The following UGT1A10 variants were observed in gnomAD, a reference collection of about 807,000 sequenced individuals.
UGT1A10 encodes the protein UDP-glucuronosyltransferase 1A10.
A neutral mutation model predicts 45.8 loss-of-function variants in UGT1A10; 49 were observed. The ratio of observed to expected loss-of-function variants is 1.07; its 90% confidence interval spans 0.85 to 1.36. The LOEUF (loss-of-function observed/expected upper bound fraction) is 1.36. Among genes scored for constraint, UGT1A10 ranks in the 40% most tolerant of loss-of-function variants. UGT1A10 has a pLI of 0.00. For synonymous variants in UGT1A10, 284 were observed against 249.7 expected (o/e 1.14, Z -1.29); for missense variants, 745 against 668.6 (o/e 1.11, Z -1.26).
chr2:233,684,813 AG>A (rs2074702770), intron 1 of UGT1A10, among the ~76,000 whole-genome samples: 1 of 152,236 alleles, frequency 6.6e-6, no homozygotes, highest in South Asian at 2.1e-4. Context: ...CAACCACAAA[AG>A]TAAATTGTCA....
intron 1 of UGT1A10, chr2:233,756,022 T>C (rs1696092015): frequency 6.6e-6 from 1 of 152,142 alleles, no homozygotes; most frequent in Non-Finnish European, 1.5e-5. Context: ...ATATTACACA[T>C]CCCCCATGTA....
At chr2:233,652,764 C>T (rs1045718646) in intron 1 of UGT1A10, among the ~76,000 whole-genome samples, 10 of 152,176 alleles carry the variant, frequency 6.6e-5, no homozygotes, top group Admixed American at 5.2e-4. Flanking sequence ...AGCTGCATAT[C>T]CACATGCAAA....
At chr2:233,642,653 G>A (rs371003248) in intron 1 of UGT1A10, among the ~76,000 whole-genome samples, 8 of 152,292 alleles carry the variant, frequency 5.3e-5, no homozygotes, top group Admixed American at 1.3e-4. Context: ...ATTTGTAGCC[G>A]TCCTTCTTGG....
At chr2:233,680,480 TGGAA>T (rs977170020) in intron 1 of UGT1A10, among the ~76,000 whole-genome samples, 4 of 152,182 alleles carry the variant, frequency 2.6e-5, no homozygotes, top group Non-Finnish European at 4.4e-5. Context: ...TAGGGTGTCC[TGGAA>T]GGAACCATCT....
intron 1 of UGT1A10, among the ~76,000 whole-genome samples, chr2:233,670,937 T>A (rs1177474580): frequency 6.6e-6 from 1 of 152,152 alleles, no homozygotes; most frequent in Non-Finnish European, 1.5e-5. Context: ...AAACTGGCAG[T>A]GGGTATTGAT....
intron 1 of UGT1A10, among the ~76,000 whole-genome samples, chr2:233,723,536 TA>T (rs756280025): frequency 2.5e-5 from 3 of 121,442 alleles, no homozygotes; most frequent in African/African-American, 3.3e-5. Flanking sequence ...TTTTTTTTTT[TA>T]ATTTATTTTT....
At chr2:233,673,136 C>T (rs1367777382) in intron 1 of UGT1A10, among the ~76,000 whole-genome samples, 2 of 152,078 alleles carry the variant, frequency 1.3e-5, no homozygotes, top group Non-Finnish European at 2.9e-5. Context: ...GTTTTGTGAA[C>T]ATTCTTTTAA....
rs1239644692 is a variant in UGT1A10 at position 233,769,886 on chromosome 2, C to T, written c.1295+1447C>T. On this transcript the variant is annotated intron_variant, in intron 4 of 4. Coordinates refer to ENST00000344644, the MANE Select transcript of UGT1A10 (RefSeq NM_019075.4). The surrounding 1 kb of genome is among the most constrained non-coding windows in gnomAD (Gnocchi z 4.4). ...AAAAAAAAAAAAAATGAAAAGTCCACATAACCTGAGCATCATGTGCCCAGA... is the reference window on the plus strand; with the variant it reads ...AAAAAAAAAAAAAATGAAAAGTCCATATAACCTGAGCATCATGTGCCCAGA... The T allele has an allele frequency of 5.3e-5, 21 of 399,374 alleles. No individual in the cohort carries two copies. The South Asian group carries it at 8.0e-4, about 15-fold the overall frequency. The allele number at this position is 399,374 out of a possible 1,614,324, so 24.7% of individuals were successfully genotyped here.
At chr2:233,767,733 C>A in intron 2 of UGT1A10, 116 bp from the exon 3 acceptor site, 1 of 1,566,288 alleles carries the variant, frequency 6.4e-7, no homozygotes, top group Non-Finnish European at 8.7e-7. Flanking sequence ...CTGATCCTCC[C>A]ACTCTGTTAA....
At chr2:233,671,192 A>C (rs1246663007) in intron 1 of UGT1A10, among the ~76,000 whole-genome samples, 1 of 152,212 alleles carries the variant, frequency 6.6e-6, no homozygotes, top group African/African-American at 2.4e-5. Flanking sequence ...GTGCAAGTTG[A>C]GCGGTCACTG....
Position 233,692,066 on chromosome 2 carries a change from GGAGA to G in UGT1A10, c.855+54696_855+54699del, listed in dbSNP as rs570948190. On this transcript the variant is annotated intron_variant, in intron 1 of 4. Transcript: ENST00000344644. Reference sequence around the variant, plus strand: ...AACCCTTGCGATTAGAGGGAAGAAAGGAGAGAGAGATTGAAGATTGATTTGATCA... The same window carrying G: ...AACCCTTGCGATTAGAGGGAAGAAAGGAGAGATTGAAGATTGATTTGATCA... 4.2e-3 allele frequency: 635 copies of G among 152,292 alleles called. 4 individuals carry two copies. Among genetic ancestry groups the G allele is most frequent in the African/African-American group, 7.4e-3 (309 of 41,550 alleles). The allele number at this position is 152,292 out of a possible 1,614,324, so 9.4% of individuals were successfully genotyped here. A position where few individuals can be genotyped will look rare whatever the true frequency, so the allele number is the denominator to read the frequency against.
At position 233,711,986 on chromosome 2, in the gene UGT1A10, A is replaced by G. The variant is rs576273214; in HGVS notation, c.856-55048A>G. Among the ~76,000 whole-genome samples, 5 of 152,300 alleles carry G rather than the reference A, an allele frequency of 3.3e-5. No individual in the cohort carries two copies. The South Asian group carries it at 1.0e-3, about 32-fold the overall frequency. The stretch of plus-strand genomic sequence containing the variant: ...GAAATTTGAACTAGAGCCCCCACAA[A>G]TTATTCTGTTCTGGAGGAACCATTC... On this transcript the variant is annotated intron_variant, in intron 1 of 4. Transcript: ENST00000344644.
chr2:233,700,256 G>A (rs1243486854), intron 1 of UGT1A10, among the ~76,000 whole-genome samples: 4 of 152,170 alleles, frequency 2.6e-5, no homozygotes, highest in African/African-American at 7.2e-5. Flanking sequence ...AAAATGCCAA[G>A]TCATTCTTAA....
At chr2:233,693,141 T>C in intron 1 of UGT1A10, 1 of 1,614,174 alleles carries the variant, frequency 6.2e-7, no homozygotes, top group Non-Finnish European at 8.5e-7. Context: ...AAGGATATAG[T>C]TGAGGTTCTC....
intron 1 of UGT1A10, chr2:233,747,605 A>G: frequency 6.4e-7 from 1 of 1,574,152 alleles, no homozygotes; most frequent in Non-Finnish European, 8.7e-7. Context: ...GTGTGGAGCT[A>G]CTGCATAATG....
intron 4 of UGT1A10, chr2:233,771,178 A>T (rs1700251427): frequency 6.6e-6 from 1 of 152,240 alleles, no homozygotes; most frequent in African/African-American, 2.4e-5. Flanking sequence ...GGGGATTACA[A>T]TTCAACATGA....
At chr2:233,658,715 A>G (rs569216590) in intron 1 of UGT1A10, among the ~76,000 whole-genome samples, 5 of 152,226 alleles carry the variant, frequency 3.3e-5, no homozygotes, top group Non-Finnish European at 7.4e-5. Context: ...TGGATAGCCA[A>G]CTCTTGAAAA....
In UGT1A10 at chr2:233,637,049, A is replaced by G. The variant is rs534521805; in HGVS notation, c.527A>G (p.His176Arg). ...VVFTRGIFCHHLEEGAQCPAP... is the reference protein window; with the variant it reads ...VVFTRGIFCHRLEEGAQCPAP... ...TTCACCAGGGGAATATTTTGCCACC[A>G]TCTTGAAGAAGGTGCACAGTGCCCT... The change falls in exon 1 of 5, where the codon CAT becomes CGT. Residue 176 changes from histidine (H) to arginine (R), a missense_variant. His to Arg is a conservative substitution (Grantham distance 29). Transcript: ENST00000344644. 4 of 1,614,010 alleles carry G rather than the reference A, an allele frequency of 2.5e-6. No homozygotes were observed. Among genetic ancestry groups the G allele is most frequent in the Admixed American group, 3.3e-5 (2 of 60,016 alleles).
intron 1 of UGT1A10, among the ~76,000 whole-genome samples, chr2:233,709,895 C>A (rs942785587): frequency 5.3e-5 from 8 of 152,240 alleles, no homozygotes; most frequent in African/African-American, 1.7e-4. Flanking sequence ...TCTGTCCTAT[C>A]TCAGTCACCT....
Sources: gnomAD v4.1 joint callset for allele counts (sites outside exome capture counted in the v4.1 genomes callset) on GRCh38, gnomAD v4.1.1 for gene constraint, Gnocchi (gnomAD v3.1) non-coding constraint, MANE v1.5 for transcripts, NCBI Gene and HGNC (gene_info 2026-07-23, HGNC 2026-07-21) for gene names.